HHLA2: variants seen among roughly 807,000 people sequenced by gnomAD.
HHLA2 encodes HERV-H LTR-associating protein 2.
HHLA2 carries 48 observed loss-of-function variants against 45.9 expected under a neutral mutation model. The ratio of observed to expected loss-of-function variants is 1.05; its 90% CI spans 0.83 to 1.33. The LOEUF is 1.33. Ranked by LOEUF, HHLA2 falls within the 40% of genes most tolerant of loss-of-function variation. HHLA2 has a pLI of 0.00. For missense variants in HHLA2, 462 were observed against 494.3 expected, an observed-to-expected ratio of 0.93 and a Z score of 0.62; for synonymous variants, 161 against 173.9, an observed-to-expected ratio of 0.93 and a Z score of 0.59.
chr3:108,347,667 G>C (rs1405951559), intron 3 of HHLA2, among the ~76,000 whole-genome samples: 1 of 152,178 alleles, frequency 6.6e-6, no homozygotes, highest in Non-Finnish European at 1.5e-5. Context: ...AGGGTAACCA[G>C]CCGAATGCGT....
intron 3 of HHLA2, among the ~76,000 whole-genome samples, chr3:108,347,913 C>G (rs1399891713): frequency 6.6e-6 from 1 of 152,002 alleles, no homozygotes; most frequent in South Asian, 2.1e-4. Context: ...GGAGAAAGAA[C>G]AGGATAGTTT....
chr3:108,341,516 T>C (rs2081570993), intron 3 of HHLA2, among the ~76,000 whole-genome samples: 1 of 152,168 alleles, frequency 6.6e-6, no homozygotes, highest in Admixed American at 6.5e-5. Flanking sequence ...GTCTCTTACA[T>C]TTTACATTAC....
intron 6 of HHLA2, among the ~76,000 whole-genome samples, chr3:108,356,925 A>G (rs2081903625): frequency 6.6e-6 from 1 of 152,252 alleles, no homozygotes; most frequent in South Asian, 2.1e-4. Context: ...GAGTAGTAGG[A>G]CATTCCAGGA....
intron 1 of HHLA2, among the ~76,000 whole-genome samples, chr3:108,305,341 A>G (rs1359753349): frequency 3.9e-5 from 6 of 152,172 alleles, no homozygotes; most frequent in African/African-American, 1.4e-4. Flanking sequence ...ACGAGTAGTC[A>G]GAAAGACCCA....
chr3:108,346,693 C>T (rs572688229), intron 3 of HHLA2, among the ~76,000 whole-genome samples: 58 of 152,272 alleles, frequency 3.8e-4, no homozygotes, highest in African/African-American at 1.3e-3. Context: ...ATGTTTTTAT[C>T]GTGTACAACA....
chr3:108,305,052 T>G (rs1262819134), intron 1 of HHLA2, among the ~76,000 whole-genome samples: 1 of 152,226 alleles, frequency 6.6e-6, no homozygotes, highest in East Asian at 1.9e-4. Context: ...TTTGTCACAT[T>G]AAAACCTTTT....
chr3:108,377,167 C>T, intron 10 of HHLA2, 91 bp from the exon 10 acceptor site: 1 of 878,246 alleles, frequency 1.1e-6, no homozygotes, highest in Non-Finnish European at 1.8e-6. Context: ...GCCGCCCACC[C>T]CAAAACACTA....
chr3:108,312,699 G>A (rs1333386900), intron 2 of HHLA2, among the ~76,000 whole-genome samples: 15 of 152,212 alleles, frequency 9.9e-5, no homozygotes, highest in Admixed American at 9.8e-4. Flanking sequence ...CCTCAGCCAA[G>A]CTCATTTTTT....
At chr3:108,327,344 A>G (rs2081305117) in intron 2 of HHLA2, among the ~76,000 whole-genome samples, 2 of 152,142 alleles carry the variant, frequency 1.3e-5, no homozygotes, top group African/African-American at 4.8e-5. Flanking sequence ...GGCTTCTTGA[A>G]TCTGTGAATT....
intron 1 of HHLA2, chr3:108,302,599 C>T (rs2080868116): frequency 6.6e-6 from 1 of 152,180 alleles, no homozygotes; most frequent in Admixed American, 6.6e-5. Flanking sequence ...GGGAACACTT[C>T]CTTGGTATTT....
intron 8 of HHLA2, among the ~76,000 whole-genome samples, chr3:108,368,169 G>C (rs1447209522): frequency 3.9e-5 from 6 of 151,992 alleles, no homozygotes; most frequent in Admixed American, 6.6e-5. Context: ...GAGGGATTCT[G>C]TCACCACTAG....
chr3:108,341,643 CT>C (rs2081573742), intron 3 of HHLA2, among the ~76,000 whole-genome samples: 1 of 152,230 alleles, frequency 6.6e-6, no homozygotes, highest in East Asian at 1.9e-4. Flanking sequence ...GTGTCAGTAG[CT>C]CTTCATCCCT....
intron 2 of HHLA2, among the ~76,000 whole-genome samples, chr3:108,314,871 T>C (rs2081077184): frequency 6.6e-6 from 1 of 152,226 alleles, no homozygotes; most frequent in Non-Finnish European, 1.5e-5. Context: ...CACTGCTTCC[T>C]GCTGAAACAC....
chr3:108,376,684 G>C (rs771025152), intron 10 of HHLA2, 127 bp downstream of exon 9: 306 of 746,982 alleles, frequency 4.1e-4, no homozygotes, highest in Admixed American at 1.5e-3. Context: ...ACAGCAGCAG[G>C]GGTTGCAGGA....
At chr3:108,339,626 A>G (rs1363242399) in intron 3 of HHLA2, among the ~76,000 whole-genome samples, 1 of 152,200 alleles carries the variant, frequency 6.6e-6, no homozygotes, top group Non-Finnish European at 1.5e-5. Flanking sequence ...TAGCATTAAT[A>G]CTACCAAAAG....
At chr3:108,341,110 G>A (rs747024537) in intron 3 of HHLA2, among the ~76,000 whole-genome samples, 7 of 151,690 alleles carry the variant, frequency 4.6e-5, no homozygotes, top group Non-Finnish European at 7.4e-5. Context: ...TCACCACCAC[G>A]CCTGGCTAAT....
intron 3 of HHLA2, among the ~76,000 whole-genome samples, chr3:108,337,347 T>G (rs2081491420): frequency 6.6e-6 from 1 of 152,178 alleles, no homozygotes; most frequent in Non-Finnish European, 1.5e-5. Context: ...TGAGAAACAC[T>G]GATCTTAATG....
In HHLA2 at chr3:108,316,770, G is replaced by C. The variant is rs911776246; in HGVS notation, c.-105+6029G>C. Among the ~76,000 whole-genome samples the C allele has an allele frequency of 3.3e-5, 5 of 152,178 alleles. No homozygotes were observed. In the East Asian group the frequency reaches 9.7e-4, roughly 29 times the overall value. ...AATTACTATGCTTACTAAATCGCAC[G>C]CTTTAGGCCCTATTTTTTTTTCCAA... On this transcript the variant is annotated intron_variant, in intron 2 of 10. Coordinates refer to ENST00000619531, the Ensembl canonical transcript of HHLA2.
At chr3:108,298,941 G>C (rs2107271927) in intron 1 of HHLA2, among the ~76,000 whole-genome samples, 1 of 152,234 alleles carries the variant, frequency 6.6e-6, no homozygotes, top group Non-Finnish European at 1.5e-5. Context: ...GTTTCAGGTG[G>C]GATGTCTTCT....
Sources: gnomAD v4.1 joint callset for allele counts (sites outside exome capture counted in the v4.1 genomes callset) on GRCh38, gnomAD v4.1.1 for gene constraint, MANE v1.5 for transcripts, NCBI Gene and HGNC (gene_info 2026-07-23, HGNC 2026-07-21) for gene names.